ZFYVE28: variants seen among roughly 807,000 people sequenced by gnomAD.
ZFYVE28 encodes zinc finger FYVE-type containing 28, also known as lateral signaling target protein 2 homolog.
ZFYVE28 carries 40 observed loss-of-function variants against 82.1 expected under a neutral mutation model. The ratio of observed to expected loss-of-function variants is 0.49; its 90% CI spans 0.38 to 0.63. The LOEUF is 0.63. Among genes scored for constraint, ZFYVE28 ranks in the 30% least tolerant of loss-of-function variants. ZFYVE28 has a pLI of 0.00. For synonymous variants in ZFYVE28, 612 were observed against 546.1 expected, an observed-to-expected ratio of 1.12 and a Z score of -1.68; for missense variants, 1,321 against 1,242.1, an observed-to-expected ratio of 1.06 and a Z score of -0.96.
chr4:2,270,753 G>T lies in ZFYVE28; in HGVS notation c.2636C>A (p.Pro879His). ...CAGGCCGGCCTTGTCGCTGTAGAAG[G>T]GCGTGACATGGAACATGTAGCAGTG... is the stretch of plus-strand genomic sequence containing the variant. ...CTHCYMFHVT[P>H]FYSDKAGL Residue 879 changes from proline (P) to histidine (H), a missense_variant, in exon 13 of 13, where the codon CCC (proline) becomes CAC (histidine). This residue lies in a region of ZFYVE28 where 978 missense variants were observed against 833.7 expected (regional missense o/e 1.17). Transcript: ENST00000290974. 6.2e-7 allele frequency: 1 copy of T among 1,613,274 alleles called. No homozygotes were observed. The highest frequency in any genetic ancestry group is 8.5e-7 in the Non-Finnish European group (1 of 1,179,928).
At chr4:2,377,700 T>G (rs918583156) in intron 1 of ZFYVE28, among the ~76,000 whole-genome samples, 1 of 152,230 alleles carries the variant, frequency 6.6e-6, no homozygotes, top group African/African-American at 2.4e-5. Flanking sequence ...TCGTAGTTAC[T>G]CTGTCTTTTC....
chr4:2,398,118 G>A (rs999372951), intron 1 of ZFYVE28, among the ~76,000 whole-genome samples: 6 of 152,178 alleles, frequency 3.9e-5, no homozygotes, highest in African/African-American at 4.8e-5. Context: ...CAGAGGTCCC[G>A]GCTGGAGATA....
At chr4:2,312,269 G>A (rs1717565701) in intron 7 of ZFYVE28, among the ~76,000 whole-genome samples, 1 of 152,214 alleles carries the variant, frequency 6.6e-6, no homozygotes, top group African/African-American at 2.4e-5. Flanking sequence ...ATTTTGGCCA[G>A]GCACAGTGGC....
chr4:2,273,601 G>C (rs547111387), intron 9 of ZFYVE28, among the ~76,000 whole-genome samples: 2 of 152,166 alleles, frequency 1.3e-5, no homozygotes, highest in Non-Finnish European at 1.5e-5. Flanking sequence ...GCCAGGCTAC[G>C]CGCTGAGGGA....
chr4:2,305,177 G>C lies in ZFYVE28; in HGVS notation c.1163C>G (p.Pro388Arg), dbSNP rs142322588. 27 of 1,595,832 alleles carry C rather than the reference G, an allele frequency of 1.7e-5. No homozygotes were observed. Among genetic ancestry groups the C allele is most frequent in the Non-Finnish European group, 2.3e-5 (27 of 1,168,608 alleles). The change falls in exon 8 of 13, where the codon CCG (proline) becomes CGG (arginine). Residue 388 changes from proline (P) to arginine (R), a missense_variant. Around this residue, in one of 2 missense-constraint regions of ZFYVE28, gnomAD observed 978 missense variants for 833.7 expected, o/e 1.17. Transcript: ENST00000290974. ...CTCGTCACTGCCTGACCGCAGGCGC[G>C]GTCTACCTGGAGAGGCCTCCCCGCC... is the stretch of plus-strand genomic sequence containing the variant. Reference protein sequence around the residue: ...SPGGEASPGRPRLRSGSDEEE... With the variant: ...SPGGEASPGRRRLRSGSDEEE...
chr4:2,404,593 CAT>C (rs1731619460), intron 1 of ZFYVE28, among the ~76,000 whole-genome samples: 1 of 152,200 alleles, frequency 6.6e-6, no homozygotes, highest in Non-Finnish European at 1.5e-5. Context: ...GGCCCCACAG[CAT>C]ATGACTCCTT....
chr4:2,291,532 G>C (rs1207112076), intron 8 of ZFYVE28, among the ~76,000 whole-genome samples: 1 of 152,224 alleles, frequency 6.6e-6, no homozygotes, highest in Admixed American at 6.5e-5. Context: ...GCCAGGAGCA[G>C]GGAGTAGGGC....
At chr4:2,390,949 A>C (rs1729753922) in intron 1 of ZFYVE28, among the ~76,000 whole-genome samples, 1 of 152,288 alleles carries the variant, frequency 6.6e-6, no homozygotes, top group Non-Finnish European at 1.5e-5. Context: ...ACTACTCAGA[A>C]ATCCTGTCCT....
intron 8 of ZFYVE28, among the ~76,000 whole-genome samples, chr4:2,276,902 A>G (rs943965039): frequency 6.6e-6 from 1 of 152,148 alleles, no homozygotes; most frequent in Non-Finnish European, 1.5e-5. Flanking sequence ...GTTGCACGGC[A>G]CTGAGTGTGT....
intron 3 of ZFYVE28, among the ~76,000 whole-genome samples, chr4:2,340,302 G>A (rs1722587939): frequency 6.6e-6 from 1 of 152,186 alleles, no homozygotes; most frequent in Admixed American, 6.5e-5. Flanking sequence ...TGTCTGCCCT[G>A]GGTGCTGCGA....
intron 1 of ZFYVE28, among the ~76,000 whole-genome samples, chr4:2,412,590 C>G (rs1166752876): frequency 6.6e-6 from 1 of 152,154 alleles, no homozygotes; most frequent in Non-Finnish European, 1.5e-5. Flanking sequence ...TGGGGAAGCA[C>G]TGAAACCCAC....
chr4:2,398,574 G>A (rs1176927616), intron 1 of ZFYVE28, among the ~76,000 whole-genome samples: 1 of 152,086 alleles, frequency 6.6e-6, no homozygotes, highest in African/African-American at 2.4e-5. Flanking sequence ...AAGGTGTGGC[G>A]AGATCCAGGG....
chr4:2,281,616 C>G, intron 8 of ZFYVE28, among the ~76,000 whole-genome samples: 1 of 152,228 alleles, frequency 6.6e-6, no homozygotes, highest in East Asian at 1.9e-4. Context: ...AGGGCAAAGC[C>G]TTCATGACCT....
At chr4:2,327,903 A>T (rs1034250915) in intron 6 of ZFYVE28, among the ~76,000 whole-genome samples, 1 of 152,240 alleles carries the variant, frequency 6.6e-6, no homozygotes, top group South Asian at 2.1e-4. Flanking sequence ...AAGAAGATGA[A>T]AGATAAGTGT....
intron 2 of ZFYVE28, among the ~76,000 whole-genome samples, chr4:2,346,205 G>A (rs1208448558): frequency 2.0e-5 from 3 of 150,932 alleles, no homozygotes; most frequent in Non-Finnish European, 4.4e-5. Flanking sequence ...AGCCGGGCGT[G>A]GTGGTGGGCG....
chr4:2,337,500 C>A lies in ZFYVE28; in HGVS notation c.522-4G>T. The A allele has an allele frequency of 6.2e-7, 1 of 1,601,044 alleles. No homozygotes were observed. ...AGGCACCATGGCCGAGACGTAGCTG[C>A]AAACACATGGAGACCTGTGAGGCCG... On this transcript the variant is annotated splice_polypyrimidine_tract_variant and splice_region_variant and intron_variant, in intron 4 of 12. Coordinates refer to ENST00000290974, the MANE Select transcript of ZFYVE28 (RefSeq NM_020972.3).
chr4:2,289,575 G>A (rs1713283616), intron 8 of ZFYVE28, among the ~76,000 whole-genome samples: 1 of 152,182 alleles, frequency 6.6e-6, no homozygotes, highest in South Asian at 2.1e-4. Flanking sequence ...GGAGCCAGGT[G>A]CAGCCCCACA....
At chr4:2,358,574 G>C (rs144986765) in intron 1 of ZFYVE28, among the ~76,000 whole-genome samples, 2,028 of 152,334 alleles carry the variant, frequency 0.013, 20 homozygotes, top group Middle Eastern at 0.034. Context: ...TCTTGGGGCA[G>C]CTGAAGCCTC....
At chr4:2,322,513 T>G (rs1162825767) in intron 6 of ZFYVE28, among the ~76,000 whole-genome samples, 6 of 151,958 alleles carry the variant, frequency 3.9e-5, no homozygotes, top group Non-Finnish European at 8.8e-5. Context: ...CAGGTCCAGC[T>G]AAGGTGAGCA....
Sources: gnomAD v4.1 joint callset for allele counts (sites outside exome capture counted in the v4.1 genomes callset) on GRCh38, gnomAD v4.1.1 for gene constraint, gnomAD v4.1.1 regional missense constraint, MANE v1.5 for transcripts, NCBI Gene and HGNC (gene_info 2026-07-23, HGNC 2026-07-21) for gene names.